IGSF21: variants seen among roughly 807,000 people sequenced by gnomAD.
The protein encoded by IGSF21 is immunoglobulin superfamily member 21.
IGSF21 carries 28 observed loss-of-function variants against 46.8 expected under a neutral mutation model. The ratio of observed to expected loss-of-function variants is 0.60; its 90% CI spans 0.44 to 0.82. IGSF21 has a LOEUF of 0.82. Ranked by LOEUF, IGSF21 falls within the 40% of genes least tolerant of loss-of-function variation. IGSF21 has a pLI of 0.00. For missense variants in IGSF21, 624 were observed against 665.5 expected (o/e 0.94, Z 0.69); for synonymous variants, 284 against 273.6 (o/e 1.04, Z -0.38).
rs11806254 is a variant in IGSF21 at position 18,378,367 on chromosome 1, C to T, written c.*41C>T. 4,374 of 1,524,754 alleles carry T rather than the reference C, an allele frequency of 2.9e-3. 111 individuals carry two copies. The African/African-American group carries it at 0.053, about 19-fold the overall frequency. 94.5% of individuals were successfully genotyped at this position (1,524,754 alleles called of 1,614,324 possible). Reference sequence around the variant, plus strand: ...CCACTCCATCAGGCACTGACATCTCCACGACCGGTTTTCATTTCTTTTCTA... The same window carrying T: ...CCACTCCATCAGGCACTGACATCTCTACGACCGGTTTTCATTTCTTTTCTA... On this transcript the variant is annotated 3_prime_UTR_variant, in exon 10 of 10. Transcript: ENST00000251296.
At chr1:18,145,184 A>C (rs1033026549) in intron 1 of IGSF21, among the ~76,000 whole-genome samples, 2 of 146,178 alleles carry the variant, frequency 1.4e-5, no homozygotes, top group Admixed American at 7.0e-5. Context: ...GGAGGGAAAC[A>C]GAGAGGAATT....
rs75431621 is a variant in IGSF21 at position 18,277,542 on chromosome 1, G to A, written c.184-14324G>A. On this transcript the variant is annotated intron_variant, in intron 2 of 9. Transcript: ENST00000251296. ...AAGCAGTAGCAAGAGAAATGAAAAC[G>A]TGACTTTTTTTAAAAAAAAGAAAAC... Among the ~76,000 whole-genome samples, 1,290 of 152,282 alleles carry A rather than the reference G, an allele frequency of 8.5e-3. 7 individuals are homozygous for A. Among genetic ancestry groups the A allele is most frequent in the Middle Eastern group, 0.054 (16 of 294 alleles).
chr1:18,350,744 G>A (rs189702109), intron 4 of IGSF21, among the ~76,000 whole-genome samples: 4 of 152,236 alleles, frequency 2.6e-5, no homozygotes, highest in Admixed American at 1.3e-4. Flanking sequence ...TGCTTTATGA[G>A]GAGCAAGCGG....
At chr1:18,257,693 A>T (rs1054934595) in intron 2 of IGSF21, among the ~76,000 whole-genome samples, 3 of 152,204 alleles carry the variant, frequency 2.0e-5, no homozygotes, top group Non-Finnish European at 4.4e-5. Flanking sequence ...TTTCTACTGC[A>T]TGCCTACTGT....
chr1:18,374,636 C>A (rs943751394), intron 6 of IGSF21, among the ~76,000 whole-genome samples: 1 of 152,156 alleles, frequency 6.6e-6, no homozygotes, highest in African/African-American at 2.4e-5. Context: ...TTCCCTAGAC[C>A]CATGTGGCAT....
chr1:18,167,191 G>T (rs1375151112), intron 1 of IGSF21, among the ~76,000 whole-genome samples: 4 of 152,200 alleles, frequency 2.6e-5, no homozygotes. Flanking sequence ...ATCGCAGAGG[G>T]CTTGAGAAGG....
intron 6 of IGSF21, among the ~76,000 whole-genome samples, chr1:18,371,685 A>G (rs978617679): frequency 1.3e-5 from 2 of 152,182 alleles, no homozygotes; most frequent in African/African-American, 4.8e-5. Flanking sequence ...TAGAAATGGG[A>G]ACAGTGTTGG....
rs1345551354 is a variant in IGSF21, at chr1:18,227,951, G to A, written c.124G>A (p.Val42Met). ...CCCCCCTGTGGTGGCTGGAGACGCC[G>A]TGACTTTGAAGTGTAACTTCAAGAC... ...PLPPVVAGDA[V>M]TLKCNFKTDG... Residue 42 changes from valine (V) to methionine (M), a missense_variant, in exon 2 of 10, where the codon GTG becomes ATG. Transcript: ENST00000251296. The A allele has an allele frequency of 3.1e-6, 5 of 1,614,086 alleles. No homozygotes were observed. Among genetic ancestry groups the A allele is most frequent in the Non-Finnish European group, 4.2e-6 (5 of 1,179,978 alleles).
chr1:18,201,748 C>G (rs1051033746), intron 1 of IGSF21, among the ~76,000 whole-genome samples: 18 of 152,302 alleles, frequency 1.2e-4, no homozygotes, highest in East Asian at 9.7e-4. Flanking sequence ...GCATCCCTCT[C>G]CCATCCCATG....
At chr1:18,287,194 A>AAAAAT (rs1553160831) in intron 2 of IGSF21, among the ~76,000 whole-genome samples, 3,808 of 124,830 alleles carry the variant, frequency 0.031, 267 homozygotes, top group African/African-American at 0.12. Context: ...AAAAAAAAAT[A>AAAAAT]AAATAAATAA....
intron 2 of IGSF21, among the ~76,000 whole-genome samples, chr1:18,287,061 G>T (rs2085218707): frequency 6.6e-6 from 1 of 150,894 alleles, no homozygotes; most frequent in Admixed American, 6.6e-5. Flanking sequence ...GGCACCTGTA[G>T]TCCCAGCTAC....
At chr1:18,256,439 T>TG (rs1477330989) in intron 2 of IGSF21, among the ~76,000 whole-genome samples, 1 of 152,182 alleles carries the variant, frequency 6.6e-6, no homozygotes, top group African/African-American at 2.4e-5. Context: ...TACAGCTGTC[T>TG]CCCTAACGTT....
rs1248412033 is a variant in IGSF21, at chr1:18,109,246, G to T, written c.70+1048G>T. ...CAGGAGGGAGGGAGGCGGGACCAGCGAAGAGCCGCAGGCACCGAGACTACA... is the reference window on the plus strand; with the variant it reads ...CAGGAGGGAGGGAGGCGGGACCAGCTAAGAGCCGCAGGCACCGAGACTACA... On this transcript the variant is annotated intron_variant, in intron 1 of 9. Transcript: ENST00000251296. The surrounding 1 kb of genome is among the most constrained non-coding windows in gnomAD (Gnocchi z 4.8). The T allele has an allele frequency of 6.6e-6, 1 of 152,016 alleles. No homozygotes were observed. Among genetic ancestry groups the T allele is most frequent in the Non-Finnish European group, 1.5e-5 (1 of 68,052 alleles). 9.4% of individuals were successfully genotyped at this position (152,016 alleles called of 1,614,324 possible).
At chr1:18,147,108 A>G (rs2086477498) in intron 1 of IGSF21, among the ~76,000 whole-genome samples, 1 of 152,170 alleles carries the variant, frequency 6.6e-6, no homozygotes, top group South Asian at 2.1e-4. Flanking sequence ...CACGCCTGCC[A>G]TAGCCTCCCT....
intron 1 of IGSF21, among the ~76,000 whole-genome samples, chr1:18,149,235 T>C (rs1039121823): frequency 6.6e-6 from 1 of 152,108 alleles, no homozygotes; most frequent in African/African-American, 2.4e-5. Flanking sequence ...AGAGGGTGTG[T>C]GTGGCCATGG....
At chr1:18,155,927 T>C (rs1320303689) in intron 1 of IGSF21, among the ~76,000 whole-genome samples, 1 of 152,236 alleles carries the variant, frequency 6.6e-6, no homozygotes, top group Non-Finnish European at 1.5e-5. Flanking sequence ...ATTAAAGTTG[T>C]ACATGTTTTG....
At chr1:18,228,335 G>A (rs1400136823) in intron 2 of IGSF21, among the ~76,000 whole-genome samples, 4 of 152,172 alleles carry the variant, frequency 2.6e-5, no homozygotes, top group African/African-American at 9.7e-5. Context: ...GATATCTGAT[G>A]GTGGAATTTT....
chr1:18,307,203 AC>A (rs948009277), intron 3 of IGSF21, among the ~76,000 whole-genome samples: 2 of 150,970 alleles, frequency 1.3e-5, no homozygotes, highest in African/African-American at 4.9e-5. Flanking sequence ...TTTTGTGGGG[AC>A]CATGGGACTA....
chr1:18,377,103 C>A, intron 8 of IGSF21, 111 bp downstream of exon 8: 1 of 1,201,104 alleles, frequency 8.3e-7, no homozygotes, highest in Non-Finnish European at 1.1e-6. Context: ...GGGCCTAAAT[C>A]TCCCAAATTT....
Sources: allele counts gnomAD v4.1 joint callset (sites outside exome capture counted in the v4.1 genomes callset), GRCh38; gene constraint gnomAD v4.1.1; non-coding constraint Gnocchi (gnomAD v3.1); transcripts MANE v1.5; gene names NCBI Gene and HGNC (gene_info 2026-07-23, HGNC 2026-07-21).